MITF: variants seen among roughly 807,000 people sequenced by gnomAD.
MITF encodes microphthalmia-associated transcription factor.
A neutral mutation model predicts 60.5 loss-of-function variants in MITF; 17 were observed. The ratio of observed to expected loss-of-function variants is 0.28; its 90% CI spans 0.19 to 0.42. The LOEUF is 0.42. Ranked by LOEUF, MITF falls within the 10% of genes least tolerant of loss-of-function variation. The pLI is 1.00. For missense variants in MITF, 622 were observed against 683.5 expected, an observed-to-expected ratio of 0.91 and a Z score of 1.00; for synonymous variants, 260 against 248.5, an observed-to-expected ratio of 1.05 and a Z score of -0.43.
intron 2 of MITF, among the ~76,000 whole-genome samples, chr3:69,931,446 C>T (rs570067368): frequency 6.6e-6 from 1 of 152,208 alleles, no homozygotes; most frequent in Non-Finnish European, 1.5e-5. Flanking sequence ...TGTCCTAAAA[C>T]CAAAGTATGC....
intron 2 of MITF, among the ~76,000 whole-genome samples, chr3:69,895,808 TTGTGTGTGTGTGTG>T (rs35088149): frequency 7.8e-5 from 11 of 140,146 alleles, no homozygotes; most frequent in African/African-American, 2.4e-4. Flanking sequence ...TGTGGAGTGT[TTGTGTGTGTGTGTG>T]TGTGTGTGTG....
At chr3:69,790,143 T>A (rs2062717031) in intron 1 of MITF, among the ~76,000 whole-genome samples, 1 of 152,152 alleles carries the variant, frequency 6.6e-6, no homozygotes, top group Non-Finnish European at 1.5e-5. Context: ...GATGAATCTT[T>A]AGGACATTAT....
intron 2 of MITF, chr3:69,936,443 C>A: frequency 2.1e-6 from 1 of 480,970 alleles, no homozygotes; most frequent in Non-Finnish European, 3.4e-6. Context: ...AAAAGCATGA[C>A]GTCAAGCCAG....
In MITF at chr3:69,965,350, T is replaced by C; in HGVS notation, c.*102T>C. On this transcript the variant is annotated 3_prime_UTR_variant, in exon 10 of 10. Coordinates refer to ENST00000352241, the MANE Select transcript of MITF (RefSeq NM_001354604.2). ...TTTTCTTGATAATTTTCCTTTAATA[T>C]GAAATTTTTTTTCATGCTTTATCAA... 1 of 1,352,930 alleles carries C rather than the reference T, an allele frequency of 7.4e-7. No individual in the cohort carries two copies. Among genetic ancestry groups the C allele is most frequent in the Non-Finnish European group, 1.0e-6 (1 of 984,758 alleles). The allele number at this position is 1,352,930 out of a possible 1,614,324, so 83.8% of individuals were successfully genotyped here. A position where few individuals can be genotyped will look rare whatever the true frequency, so the allele number is the denominator to read the frequency against.
At chr3:69,824,249 C>A (rs2063321045) in intron 1 of MITF, among the ~76,000 whole-genome samples, 1 of 152,134 alleles carries the variant, frequency 6.6e-6, no homozygotes, top group African/African-American at 2.4e-5. Context: ...TGGCTGTTTC[C>A]AGACTTTATT....
chr3:69,911,387 C>T (rs146020414), intron 2 of MITF, among the ~76,000 whole-genome samples: 636 of 152,280 alleles, frequency 4.2e-3, no homozygotes, highest in Non-Finnish European at 7.3e-3. Flanking sequence ...CACTGTGCCT[C>T]AGACTCTTGG....
chr3:69,812,212 A>G (rs1181961224), intron 1 of MITF, among the ~76,000 whole-genome samples: 1 of 152,210 alleles, frequency 6.6e-6, no homozygotes, highest in East Asian at 1.9e-4. Flanking sequence ...CTGTCCCAAA[A>G]TAGCTCAATG....
chr3:69,803,249 T>C (rs1376095925), intron 1 of MITF, among the ~76,000 whole-genome samples: 1 of 152,260 alleles, frequency 6.6e-6, no homozygotes, highest in Non-Finnish European at 1.5e-5. Context: ...GTTCATTTAT[T>C]CATTGACTAT....
At chr3:69,789,755 C>G (rs1346585079) in intron 1 of MITF, among the ~76,000 whole-genome samples, 2 of 152,092 alleles carry the variant, frequency 1.3e-5, no homozygotes, top group African/African-American at 4.8e-5. Context: ...ACTTGGGAGG[C>G]TGAGGCGTGC....
chr3:69,744,764 T>C (rs1394143680), intron 1 of MITF, among the ~76,000 whole-genome samples: 2 of 152,234 alleles, frequency 1.3e-5, no homozygotes, highest in Non-Finnish European at 2.9e-5. Flanking sequence ...AAATTCCTTT[T>C]TGCTTTTCTT....
intron 1 of MITF, among the ~76,000 whole-genome samples, chr3:69,766,355 GTGCACCACCA>G (rs1387862325): frequency 7.0e-6 from 1 of 142,930 alleles, no homozygotes; most frequent in Non-Finnish European, 1.5e-5. Context: ...GATTACAGGT[GTGCACCACCA>G]TGCCCAGCTA....
chr3:69,762,446 G>A (rs959209480), intron 1 of MITF, among the ~76,000 whole-genome samples: 1 of 152,186 alleles, frequency 6.6e-6, no homozygotes, highest in African/African-American at 2.4e-5. Context: ...CCTTGCATGT[G>A]TCTTTAACTA....
chr3:69,796,156 T>G (rs1439154271), intron 1 of MITF, among the ~76,000 whole-genome samples: 1 of 152,118 alleles, frequency 6.6e-6, no homozygotes, highest in East Asian at 1.9e-4. Flanking sequence ...AATTTTTGTA[T>G]TTTTAGTAAA....
At chr3:69,860,486 TA>T (rs1231639523) in intron 1 of MITF, among the ~76,000 whole-genome samples, 3 of 150,710 alleles carry the variant, frequency 2.0e-5, no homozygotes, top group Non-Finnish European at 4.4e-5. Context: ...TAGTCCCAGC[TA>T]TTCGGGAGGC....
chr3:69,898,936 A>T (rs1381356043), intron 2 of MITF, among the ~76,000 whole-genome samples: 1 of 152,112 alleles, frequency 6.6e-6, no homozygotes, highest in African/African-American at 2.4e-5. Context: ...AACACATAAG[A>T]TCCTTGTTCT....
chr3:69,923,372 T>C (rs1351539670), intron 2 of MITF, among the ~76,000 whole-genome samples: 1 of 152,118 alleles, frequency 6.6e-6, no homozygotes, highest in East Asian at 1.9e-4. Flanking sequence ...GGAGATGGAG[T>C]CTTGCTCTGT....
At chr3:69,747,149 G>T (rs1703758224) in intron 1 of MITF, among the ~76,000 whole-genome samples, 1 of 152,152 alleles carries the variant, frequency 6.6e-6, no homozygotes. Context: ...CTGGCCATAG[G>T]GAGTCCAGTG....
rs892674635 is a variant in MITF, at chr3:69,783,489, T to G, written c.104+43788T>G. On this transcript the variant is annotated intron_variant, in intron 1 of 9. Transcript: ENST00000352241. Reference sequence around the variant, plus strand: ...AGATATTTATATATGATATGTAGGATATATATATATATATAATTTATATAT... The same window carrying G: ...AGATATTTATATATGATATGTAGGAGATATATATATATATAATTTATATAT... 2.8e-4 allele frequency among the ~76,000 whole-genome samples: 42 copies of G among 147,420 alleles called. 1 individual carries two copies. In the East Asian group the frequency reaches 6.5e-3, roughly 23 times the overall value.
At chr3:69,750,503 T>C (rs1703897609) in intron 1 of MITF, among the ~76,000 whole-genome samples, 1 of 150,512 alleles carries the variant, frequency 6.6e-6, no homozygotes, top group South Asian at 2.1e-4. Flanking sequence ...AAATGTATTC[T>C]GATCTGGTGA....
Sources: gnomAD v4.1 joint callset for allele counts (sites outside exome capture counted in the v4.1 genomes callset) on GRCh38, gnomAD v4.1.1 for gene constraint, MANE v1.5 for transcripts, NCBI Gene and HGNC (gene_info 2026-07-23, HGNC 2026-07-21) for gene names.